The following ASTN2 variants were observed in gnomAD, a reference collection of about 807,000 sequenced individuals.
ASTN2 encodes the protein astrotactin 2.
In ASTN2, 54 loss-of-function variants were observed where a neutral mutation model predicts 139.8. The ratio of observed to expected loss-of-function variants is 0.39; its 90% CI spans 0.31 to 0.48. ASTN2 has a LOEUF of 0.48. Among genes scored for constraint, ASTN2 ranks in the 20% least tolerant of loss-of-function variants. ASTN2 has a pLI of 0.95. For synonymous variants in ASTN2, 756 were observed against 719.5 expected (o/e 1.05, Z -0.81); for missense variants, 1,565 against 1,725.1 (o/e 0.91, Z 1.64).
intron 11 of ASTN2, among the ~76,000 whole-genome samples, chr9:116,857,252 G>A (rs1832764263): frequency 6.6e-6 from 1 of 152,088 alleles, no homozygotes; most frequent in Non-Finnish European, 1.5e-5. Flanking sequence ...ATAATTATAG[G>A]CATTAATTGC....
At chr9:116,651,012 T>G (rs531061379) in intron 17 of ASTN2, among the ~76,000 whole-genome samples, 11 of 151,658 alleles carry the variant, frequency 7.3e-5, no homozygotes, top group African/African-American at 2.7e-4. Context: ...ACCTCCCAGG[T>G]TCAAGCAATT....
chr9:116,463,019 T>C (rs1848540337), intron 20 of ASTN2, among the ~76,000 whole-genome samples: 1 of 152,112 alleles, frequency 6.6e-6, no homozygotes, highest in South Asian at 2.1e-4. Flanking sequence ...GCAGCATCCA[T>C]TTAGTCACTC....
At chr9:116,960,970 C>T (rs551790243) in intron 10 of ASTN2, among the ~76,000 whole-genome samples, 49 of 151,978 alleles carry the variant, frequency 3.2e-4, no homozygotes, top group Non-Finnish European at 4.6e-4. Context: ...ACAGTTAACT[C>T]AGTCCGGTCA....
chr9:116,701,590 G>A (rs1861170662), intron 16 of ASTN2, among the ~76,000 whole-genome samples: 1 of 152,154 alleles, frequency 6.6e-6, no homozygotes, highest in Non-Finnish European at 1.5e-5. Flanking sequence ...AGGTAAATGA[G>A]GCCAGGAATC....
intron 22 of ASTN2, among the ~76,000 whole-genome samples, chr9:116,426,848 G>A (rs749950341): frequency 6.6e-6 from 1 of 152,120 alleles, no homozygotes; most frequent in African/African-American, 2.4e-5. Flanking sequence ...AGTTAAGTAA[G>A]AGAAATGCCT....
At chr9:116,650,685 TCTC>T (rs1200508049) in intron 17 of ASTN2, among the ~76,000 whole-genome samples, 1 of 152,134 alleles carries the variant, frequency 6.6e-6, no homozygotes, top group Non-Finnish European at 1.5e-5. Context: ...ACCCATGTCT[TCTC>T]CTAGGCACAC....
At chr9:117,181,290 C>A in intron 3 of ASTN2, 1 of 437,006 alleles carries the variant, frequency 2.3e-6, no homozygotes, top group Admixed American at 3.7e-5. Flanking sequence ...AACTGAAGCC[C>A]AGAGATGTCA....
At chr9:116,506,382 C>T (rs1413449013) in intron 19 of ASTN2, among the ~76,000 whole-genome samples, 1 of 152,166 alleles carries the variant, frequency 6.6e-6, no homozygotes, top group East Asian at 1.9e-4. Flanking sequence ...TTGTATTTCA[C>T]CAACTTGTAT....
chr9:116,844,027 CA>C (rs542189185), intron 11 of ASTN2, among the ~76,000 whole-genome samples: 2 of 151,922 alleles, frequency 1.3e-5, no homozygotes, highest in Admixed American at 6.6e-5. Context: ...GCTGAGGAGA[CA>C]AAAAAATAAA....
chr9:117,137,546 G>A (rs532514445), intron 4 of ASTN2, among the ~76,000 whole-genome samples: 32 of 152,274 alleles, frequency 2.1e-4, no homozygotes, highest in Non-Finnish European at 4.0e-4. Flanking sequence ...ATTAATAAAT[G>A]TTCCAATGGG....
intron 13 of ASTN2, among the ~76,000 whole-genome samples, chr9:116,779,868 C>A (rs897310081): frequency 1.5e-4 from 23 of 152,310 alleles, no homozygotes; most frequent in African/African-American, 5.5e-4. Flanking sequence ...CTCAGCCTTT[C>A]CTTCAACTAT....
intron 4 of ASTN2, among the ~76,000 whole-genome samples, chr9:117,107,210 T>C (rs1829129699): frequency 6.6e-6 from 1 of 152,152 alleles, no homozygotes; most frequent in African/African-American, 2.4e-5. Flanking sequence ...ATTTAACCAA[T>C]TTCTTATTGT....
chr9:116,618,205 A>G (rs1345522640), intron 19 of ASTN2, 119 bp downstream of exon 19: 3 of 1,118,898 alleles, frequency 2.7e-6, no homozygotes, highest in Non-Finnish European at 2.5e-6. Context: ...ATCACTAAAC[A>G]ATGAAATCTT....
At chr9:117,313,802 T>C (rs976603801) in intron 1 of ASTN2, among the ~76,000 whole-genome samples, 5 of 152,144 alleles carry the variant, frequency 3.3e-5, no homozygotes, top group Non-Finnish European at 5.9e-5. Flanking sequence ...AGGAGCAGAA[T>C]TTCACTGCCT....
intron 1 of ASTN2, among the ~76,000 whole-genome samples, chr9:117,328,159 G>A (rs913201804): frequency 3.3e-5 from 5 of 152,108 alleles, no homozygotes; most frequent in South Asian, 2.1e-4. Flanking sequence ...TCTCGGACTC[G>A]GGGTCAGTTT....
intron 3 of ASTN2, among the ~76,000 whole-genome samples, chr9:117,193,543 G>A (rs1173292188): frequency 6.7e-6 from 1 of 150,258 alleles, no homozygotes; most frequent in East Asian, 2.0e-4. Context: ...GAGGCTGAGG[G>A]AGGAGAATCA....
chr9:116,456,490 A>G (rs1038721538), intron 20 of ASTN2, among the ~76,000 whole-genome samples: 1 of 152,206 alleles, frequency 6.6e-6, no homozygotes, highest in African/African-American at 2.4e-5. Flanking sequence ...GTCCATTTTC[A>G]TGCTGCTGAT....
chr9:116,763,565 G>A (rs1829729884), intron 13 of ASTN2, among the ~76,000 whole-genome samples: 1 of 152,138 alleles, frequency 6.6e-6, no homozygotes, highest in African/African-American at 2.4e-5. Context: ...GTGATATGCT[G>A]GGAGAAAACA....
chr9:117,000,510 T>C (rs1049537217), intron 7 of ASTN2, among the ~76,000 whole-genome samples: 1 of 151,446 alleles, frequency 6.6e-6, no homozygotes, highest in Non-Finnish European at 1.5e-5. Flanking sequence ...TTAATAAAGC[T>C]GTTTCGCAAT....
Sources: allele counts gnomAD v4.1 joint callset (sites outside exome capture counted in the v4.1 genomes callset), GRCh38; gene constraint gnomAD v4.1.1; transcripts MANE v1.5; gene names NCBI Gene and HGNC (gene_info 2026-07-23, HGNC 2026-07-21).